SCHIP1: variants seen among roughly 807,000 people sequenced by gnomAD.
SCHIP1 encodes the protein schwannomin interacting protein 1.
In SCHIP1, 8 loss-of-function variants were observed where a neutral mutation model predicts 29.7. The ratio of observed to expected loss-of-function variants is 0.27; its 90% CI spans 0.16 to 0.49. SCHIP1 has a LOEUF of 0.49. Among genes scored for constraint, SCHIP1 ranks in the 20% least tolerant of loss-of-function variants. The pLI, the probability that SCHIP1 is intolerant of heterozygous loss-of-function variation, is 0.99. For synonymous variants in SCHIP1, 76 were observed against 94.9 expected (o/e 0.80, Z 1.16); for missense variants, 193 against 294.6 (o/e 0.66, Z 2.52).
the SCHIP1 span, among the ~76,000 whole-genome samples, chr3:159,818,904 T>C: frequency 6.6e-6 from 1 of 152,252 alleles, no homozygotes; most frequent in Non-Finnish European, 1.5e-5. Flanking sequence ...CTTAGTTGTG[T>C]ATTGCTGTAT....
chr3:159,662,735 C>A, the SCHIP1 span, among the ~76,000 whole-genome samples: 1,434 of 152,278 alleles, frequency 9.4e-3, 12 homozygotes, highest in Admixed American at 0.015. Context: ...GTTATGTATT[C>A]CTCTGCAACA....
chr3:159,384,887 T>G, the SCHIP1 span, among the ~76,000 whole-genome samples: 2 of 152,224 alleles, frequency 1.3e-5, no homozygotes, highest in Non-Finnish European at 2.9e-5. Flanking sequence ...ATTTTCTAGT[T>G]TATTTGCATA....
At chr3:159,381,393 T>C in the SCHIP1 span, among the ~76,000 whole-genome samples, 4 of 152,148 alleles carry the variant, frequency 2.6e-5, no homozygotes, top group Non-Finnish European at 4.4e-5. Context: ...ATTTGCATTG[T>C]TCAAAAAAAA....
chr3:159,321,590 G>C, the SCHIP1 span, among the ~76,000 whole-genome samples: 2 of 151,914 alleles, frequency 1.3e-5, no homozygotes, highest in Non-Finnish European at 2.9e-5. Flanking sequence ...TATACTTTAA[G>C]TTTTAGGGTA....
the SCHIP1 span, among the ~76,000 whole-genome samples, chr3:159,412,887 G>C: frequency 7.1e-4 from 108 of 152,284 alleles, 1 homozygote; most frequent in Middle Eastern, 0.034. Context: ...GGGTGGTAGA[G>C]ACATTGTATT....
At chr3:159,745,848 G>T in the SCHIP1 span, among the ~76,000 whole-genome samples, 1 of 152,146 alleles carries the variant, frequency 6.6e-6, no homozygotes, top group African/African-American at 2.4e-5. Flanking sequence ...TTAGAGAGTA[G>T]ATTTTGCCTC....
At chr3:159,689,399 C>G in the SCHIP1 span, among the ~76,000 whole-genome samples, 190 of 152,116 alleles carry the variant, frequency 1.2e-3, no homozygotes, top group African/African-American at 4.5e-3. Flanking sequence ...CTCTCTGTTT[C>G]TCTATCATTG....
At chr3:159,378,133 G>GCTAT in the SCHIP1 span, among the ~76,000 whole-genome samples, 1 of 152,198 alleles carries the variant, frequency 6.6e-6, no homozygotes, top group African/African-American at 2.4e-5. Flanking sequence ...CTGAAAAAAG[G>GCTAT]CTATCTTCAG....
chr3:159,359,073 G>T, the SCHIP1 span, among the ~76,000 whole-genome samples: 5 of 151,318 alleles, frequency 3.3e-5, no homozygotes, highest in African/African-American at 1.2e-4. Flanking sequence ...GACTACAGGC[G>T]CACACCACCA....
At chr3:159,879,602 G>A (rs1340299363) in intron 2 of SCHIP1, among the ~76,000 whole-genome samples, 3 of 152,162 alleles carry the variant, frequency 2.0e-5, no homozygotes, top group Non-Finnish European at 4.4e-5. Flanking sequence ...TACGAGAGAT[G>A]GCTGTTTTAT....
At chr3:159,681,075 T>C in the SCHIP1 span, among the ~76,000 whole-genome samples, 1 of 152,052 alleles carries the variant, frequency 6.6e-6, no homozygotes, top group Non-Finnish European at 1.5e-5. Context: ...GGCTCCTCTG[T>C]GAACTACGGG....
the SCHIP1 span, among the ~76,000 whole-genome samples, chr3:159,445,917 C>T: frequency 6.6e-6 from 1 of 150,978 alleles, no homozygotes; most frequent in African/African-American, 2.4e-5. Flanking sequence ...AGGAGATATA[C>T]CTAATGCTAA....
the SCHIP1 span, among the ~76,000 whole-genome samples, chr3:159,775,899 T>A: frequency 6.6e-6 from 1 of 152,196 alleles, no homozygotes; most frequent in Non-Finnish European, 1.5e-5. Flanking sequence ...GTTGTAAATT[T>A]AGATTTGAGG....
chr3:159,560,009 A>C, the SCHIP1 span, among the ~76,000 whole-genome samples: 49 of 152,186 alleles, frequency 3.2e-4, no homozygotes, highest in Admixed American at 5.2e-4. Context: ...ATAAGAAATA[A>C]AGTACACATT....
At chr3:159,721,338 G>A in the SCHIP1 span, among the ~76,000 whole-genome samples, 264 of 152,302 alleles carry the variant, frequency 1.7e-3, no homozygotes, top group Non-Finnish European at 3.4e-3. Context: ...TCTATGCACT[G>A]CTTTATTTCA....
intron 1 of SCHIP1, among the ~76,000 whole-genome samples, chr3:159,852,216 T>C (rs532884491): frequency 5.3e-5 from 8 of 152,358 alleles, no homozygotes; most frequent in African/African-American, 1.9e-4. Context: ...CTTAACAGTA[T>C]TGTGGTTGCA....
At chr3:159,514,650 TTTACA>T in the SCHIP1 span, among the ~76,000 whole-genome samples, 2 of 152,234 alleles carry the variant, frequency 1.3e-5, no homozygotes, top group African/African-American at 4.8e-5. Flanking sequence ...GCCAGAATGT[TTTACA>T]TTAAACACTA....
At chr3:159,613,158 A>G in the SCHIP1 span, among the ~76,000 whole-genome samples, 1 of 152,222 alleles carries the variant, frequency 6.6e-6, no homozygotes, top group Non-Finnish European at 1.5e-5. Flanking sequence ...AAATTGATTT[A>G]CTGTATAAAC....
At chr3:159,589,001 G>A in the SCHIP1 span, among the ~76,000 whole-genome samples, 31,114 of 152,088 alleles carry the variant, frequency 0.2, 8,659 homozygotes, top group African/African-American at 0.63. Context: ...TTCTGTGAAG[G>A]AAGTCATTGG....
Sources: allele counts gnomAD v4.1 joint callset (sites outside exome capture counted in the v4.1 genomes callset), GRCh38; gene constraint gnomAD v4.1.1; transcripts MANE v1.5; gene names NCBI Gene and HGNC (gene_info 2026-07-23, HGNC 2026-07-21).